The following PTPRD variants were observed in gnomAD, a reference collection of about 807,000 sequenced individuals.
PTPRD encodes protein tyrosine phosphatase receptor type D, also known as receptor-type tyrosine-protein phosphatase delta.
PTPRD carries 34 observed loss-of-function variants against 214.5 expected under a neutral mutation model. The ratio of observed to expected loss-of-function variants is 0.16; its 90% confidence interval spans 0.12 to 0.21. PTPRD has a LOEUF of 0.21. Among genes scored for constraint, PTPRD ranks in the 10% least tolerant of loss-of-function variants. PTPRD has a pLI of 1.00. For missense variants in PTPRD, 2,545 were observed against 2,398.7 expected, an observed-to-expected ratio of 1.06 and a Z score of -1.27; for synonymous variants, 1,128 against 845.7, an observed-to-expected ratio of 1.33 and a Z score of -5.79.
intron 3 of PTPRD, among the ~76,000 whole-genome samples, chr9:10,267,300 T>C (rs766823148): frequency 2.0e-5 from 3 of 151,908 alleles, no homozygotes; most frequent in East Asian, 1.9e-4. Flanking sequence ...AAAATAGATA[T>C]ACAAATTATA....
At chr9:9,716,563 G>A (rs1226697100) in intron 7 of PTPRD, among the ~76,000 whole-genome samples, 2 of 152,136 alleles carry the variant, frequency 1.3e-5, no homozygotes, top group Non-Finnish European at 2.9e-5. Context: ...GTGTGAGATT[G>A]TATCTCATTG....
chr9:10,069,331 C>T (rs169730), intron 3 of PTPRD, among the ~76,000 whole-genome samples: 1 of 151,924 alleles, frequency 6.6e-6, no homozygotes, highest in Non-Finnish European at 1.5e-5. Flanking sequence ...TGTGATACTC[C>T]ATTACAGTTC....
At position 8,485,873 on chromosome 9, in the gene PTPRD, T is replaced by G; in HGVS notation, c.2944A>C (p.Thr982Pro). Residue 982 changes from threonine (T) to proline (P), a missense_variant, in exon 28 of 46, where the codon ACT (threonine) becomes CCT (proline). By Grantham distance (38) the Thr-to-Pro change is conservative (BLOSUM62 -1). Coordinates refer to ENST00000381196, the MANE Select transcript of PTPRD (RefSeq NM_002839.4). ...TATGTGGTATCTGGTTTTAAGCCAG[T>G]GAGTGTCATAGTGGTGTCAGCTGGA... ...IVPADTTMTL[T>P]GLKPDTTYDV... 1 of 1,614,138 alleles carries G rather than the reference T, an allele frequency of 6.2e-7. No individual in the cohort carries two copies.
intron 8 of PTPRD, among the ~76,000 whole-genome samples, chr9:9,423,235 T>C (rs528775758): frequency 3.3e-5 from 5 of 152,232 alleles, no homozygotes; most frequent in South Asian, 2.1e-4. Context: ...CCCAACATGA[T>C]GGTATTTGGA....
chr9:9,131,580 T>C (rs1222414871), intron 10 of PTPRD, among the ~76,000 whole-genome samples: 2 of 152,222 alleles, frequency 1.3e-5, no homozygotes, highest in Non-Finnish European at 2.9e-5. Context: ...ATAAATAAAA[T>C]TGTCATTTTA....
intron 11 of PTPRD, among the ~76,000 whole-genome samples, chr9:8,747,496 G>C (rs2092958357): frequency 1.3e-5 from 2 of 151,972 alleles, no homozygotes. Context: ...AAGAAGGAAA[G>C]GGAAATAAAA....
At chr9:8,921,687 T>C (rs758936439) in intron 11 of PTPRD, among the ~76,000 whole-genome samples, 1 of 151,760 alleles carries the variant, frequency 6.6e-6, no homozygotes, top group South Asian at 2.1e-4. Context: ...AGAGACAGGG[T>C]TTCACCATGT....
intron 5 of PTPRD, among the ~76,000 whole-genome samples, chr9:9,786,576 A>G (rs1405959363): frequency 6.6e-6 from 1 of 152,188 alleles, no homozygotes; most frequent in African/African-American, 2.4e-5. Flanking sequence ...CCTTGCTGGT[A>G]GAAGCAAGAC....
intron 3 of PTPRD, among the ~76,000 whole-genome samples, chr9:10,263,966 G>C (rs961457432): frequency 2.0e-5 from 3 of 152,160 alleles, no homozygotes; most frequent in Admixed American, 6.5e-5. Flanking sequence ...CCAAGGTACA[G>C]CTCAGGGCAT....
At chr9:10,013,269 G>C (rs1470066763) in intron 4 of PTPRD, among the ~76,000 whole-genome samples, 5 of 151,866 alleles carry the variant, frequency 3.3e-5, no homozygotes, top group South Asian at 2.1e-4. Flanking sequence ...CCTCTAGTTA[G>C]AGAATTTTAC....
At chr9:9,321,985 GGTAA>G (rs1966816394) in intron 9 of PTPRD, among the ~76,000 whole-genome samples, 2 of 152,174 alleles carry the variant, frequency 1.3e-5, no homozygotes, top group African/African-American at 2.4e-5. Context: ...AAGGCACTCT[GGTAA>G]GTATTACAGT....
intron 7 of PTPRD, among the ~76,000 whole-genome samples, chr9:9,642,825 C>T (rs1226652383): frequency 6.6e-6 from 1 of 152,130 alleles, no homozygotes; most frequent in African/African-American, 2.4e-5. Context: ...ATTTTTCATA[C>T]AAGACAATTG....
chr9:9,496,552 A>T (rs1193167731), intron 8 of PTPRD, among the ~76,000 whole-genome samples: 1 of 152,208 alleles, frequency 6.6e-6, no homozygotes, highest in Non-Finnish European at 1.5e-5. Flanking sequence ...GATGGCTACT[A>T]TTTAAAAACA....
intron 3 of PTPRD, among the ~76,000 whole-genome samples, chr9:10,267,032 C>G (rs2094112849): frequency 6.6e-6 from 1 of 151,096 alleles, no homozygotes. Context: ...CTACTAAAAA[C>G]ACAAAAAAAA....
Position 10,087,811 on chromosome 9 carries a change from T to G in PTPRD, c.-544-54021A>C, listed in dbSNP as rs1015806688. 2.0e-5 allele frequency among the ~76,000 whole-genome samples: 3 copies of G among 151,804 alleles called. No homozygotes were observed. In the South Asian group the frequency reaches 6.2e-4, roughly 31 times the overall value. On this transcript the variant is annotated intron_variant, in intron 3 of 45. Coordinates refer to ENST00000381196, the MANE Select transcript of PTPRD (RefSeq NM_002839.4). Reference sequence around the variant, plus strand: ...AAAAGACATTTACTGTGAGGGAAAATAGAAAGTATCACGGTAACTTCTTTA... The same window carrying G: ...AAAAGACATTTACTGTGAGGGAAAAGAGAAAGTATCACGGTAACTTCTTTA...
At chr9:10,050,341 C>T (rs978632206) in intron 3 of PTPRD, among the ~76,000 whole-genome samples, 1 of 151,396 alleles carries the variant, frequency 6.6e-6, no homozygotes, top group African/African-American at 2.4e-5. Context: ...GGGCTGATCA[C>T]AAGGTCAGGA....
chr9:9,113,755 A>C (rs1271047571), intron 10 of PTPRD, among the ~76,000 whole-genome samples: 1 of 152,218 alleles, frequency 6.6e-6, no homozygotes, highest in African/African-American at 2.4e-5. Flanking sequence ...AGGCATATCA[A>C]AGGATTTTCC....
intron 7 of PTPRD, among the ~76,000 whole-genome samples, chr9:9,715,911 G>C (rs2097816350): frequency 6.6e-6 from 1 of 152,080 alleles, no homozygotes; most frequent in Non-Finnish European, 1.5e-5. Flanking sequence ...GTGCAGGTTA[G>C]TTACGTATGT....
intron 10 of PTPRD, among the ~76,000 whole-genome samples, chr9:9,173,005 C>T (rs2099922417): frequency 6.6e-6 from 1 of 152,104 alleles, no homozygotes; most frequent in East Asian, 1.9e-4. Context: ...AAAGTTCTTA[C>T]CAGCAGCTAA....
Sources: gnomAD v4.1 joint callset for allele counts (sites outside exome capture counted in the v4.1 genomes callset) on GRCh38, gnomAD v4.1.1 for gene constraint, MANE v1.5 for transcripts, NCBI Gene and HGNC (gene_info 2026-07-23, HGNC 2026-07-21) for gene names.